The following CACUL1 variants were observed in gnomAD, a reference collection of about 807,000 sequenced individuals.
The protein encoded by CACUL1 is CDK2 associated cullin domain 1.
Under a neutral mutation model 45.2 loss-of-function variants are expected in CACUL1, and 13 were observed. The observed-to-expected ratio is 0.29, with a 90% CI of 0.19 to 0.46. CACUL1 has a LOEUF of 0.46. Ranked by LOEUF, CACUL1 falls within the 20% of genes least tolerant of loss-of-function variation. The probability of loss-of-function intolerance (pLI) is 1.00; values close to 1 mark genes in which losing one functional copy is unlikely to be tolerated. For missense variants in CACUL1, 421 were observed against 471.4 expected (o/e 0.89, Z 0.99); for synonymous variants, 197 against 174.2 (o/e 1.13, Z -1.03).
intron 1 of CACUL1, among the ~76,000 whole-genome samples, chr10:118,750,764 T>C (rs1845890711): frequency 6.6e-6 from 1 of 151,546 alleles, no homozygotes; most frequent in African/African-American, 2.4e-5. Flanking sequence ...CCCATTGCAC[T>C]TGGCACTATT....
chr10:118,720,522 T>G (rs551276317), intron 3 of CACUL1, among the ~76,000 whole-genome samples: 9 of 152,330 alleles, frequency 5.9e-5, no homozygotes, highest in African/African-American at 2.2e-4. Flanking sequence ...TTCATAATTG[T>G]ACTCTGTACA....
chr10:118,735,771 C>CA (rs1458416971), intron 1 of CACUL1, among the ~76,000 whole-genome samples: 2 of 151,874 alleles, frequency 1.3e-5, no homozygotes. Context: ...TTCTTCCCAC[C>CA]AAAAAAGCCA....
chr10:118,680,623 A>C lies in CACUL1; in HGVS notation c.*5505T>G, dbSNP rs1052265896. 2 of 152,252 alleles carry C rather than the reference A, an allele frequency of 1.3e-5. No individual in the cohort carries two copies. Among genetic ancestry groups the C allele is most frequent in the Non-Finnish European group, 2.9e-5 (2 of 68,042 alleles). The allele number at this position is 152,252 out of a possible 1,614,324, so 9.4% of individuals were successfully genotyped here. On this transcript the variant is annotated 3_prime_UTR_variant, in exon 9 of 9. Transcript: ENST00000369151. ...TACCAATAAATGCAAAGAAAAAAAC[A>C]ACCTAAGTCCAAAAGTTGATTAAAG...
At chr10:118,705,176 T>C (rs1845421947) in intron 4 of CACUL1, among the ~76,000 whole-genome samples, 1 of 152,218 alleles carries the variant, frequency 6.6e-6, no homozygotes, top group Non-Finnish European at 1.5e-5. Context: ...CCACATTTCA[T>C]TTCTAAGTAT....
At chr10:118,751,604 T>C (rs1266893558) in intron 1 of CACUL1, among the ~76,000 whole-genome samples, 1 of 152,206 alleles carries the variant, frequency 6.6e-6, no homozygotes, top group African/African-American at 2.4e-5. Flanking sequence ...AACTACAGCC[T>C]TGACATCTTA....
intron 1 of CACUL1, among the ~76,000 whole-genome samples, chr10:118,747,221 A>G (rs1845851287): frequency 6.6e-6 from 1 of 152,238 alleles, no homozygotes; most frequent in Non-Finnish European, 1.5e-5. Flanking sequence ...CTAAACTTTA[A>G]AAGACTGACA....
intron 3 of CACUL1, among the ~76,000 whole-genome samples, chr10:118,720,209 C>A (rs532002971): frequency 7.2e-5 from 11 of 152,282 alleles, no homozygotes; most frequent in African/African-American, 2.6e-4. Flanking sequence ...TTCCTGGGTT[C>A]ATTTAGCTTA....
chr10:118,740,481 A>G (rs558896437), intron 1 of CACUL1, among the ~76,000 whole-genome samples: 247 of 152,038 alleles, frequency 1.6e-3, no homozygotes, highest in African/African-American at 5.5e-3. Context: ...ATGGTGGCAC[A>G]TGACTGTAAT....
Position 118,754,636 on chromosome 10 carries a change from A to AG in CACUL1, c.126dup (p.Ser43LeufsTer43). 1 of 1,606,494 alleles carries AG rather than the reference A, an allele frequency of 6.2e-7. No individual in the cohort carries two copies. ...TCTCGGGCAGGGGCCGGGATCGACG[A>AG]GGGGGGCGGCGGAGGTGGCAGGGGC... is the stretch of plus-strand genomic sequence containing the variant. On this transcript the variant is annotated frameshift_variant, in exon 1 of 9. Coordinates refer to ENST00000369151, the MANE Select transcript of CACUL1 (RefSeq NM_153810.5). LOFTEE classifies it high-confidence loss of function.
chr10:118,691,244 A>C, intron 7 of CACUL1, 21 bp downstream of exon 7: 1 of 1,603,982 alleles, frequency 6.2e-7, no homozygotes, highest in Non-Finnish European at 8.5e-7. Flanking sequence ...TTGACCACTA[A>C]AGGAAAAAAA....
At chr10:118,749,105 A>T (rs1163868578) in intron 1 of CACUL1, among the ~76,000 whole-genome samples, 1 of 152,196 alleles carries the variant, frequency 6.6e-6, no homozygotes, top group Non-Finnish European at 1.5e-5. Context: ...TCACCAACTG[A>T]GAAATATATA....
intron 3 of CACUL1, among the ~76,000 whole-genome samples, chr10:118,710,217 C>T (rs935494460): frequency 6.6e-6 from 1 of 152,034 alleles, no homozygotes; most frequent in African/African-American, 2.4e-5. Context: ...TGAGCCACCA[C>T]ACCCAGCGCA....
intron 1 of CACUL1, among the ~76,000 whole-genome samples, chr10:118,745,919 G>T (rs1009170032): frequency 2.0e-5 from 3 of 150,592 alleles, no homozygotes; most frequent in Non-Finnish European, 4.4e-5. Flanking sequence ...TGGGTGGATC[G>T]CAAGGTCAGG....
Position 118,679,646 on chromosome 10 carries a change from G to A in CACUL1, c.*6482C>T, listed in dbSNP as rs962005633. ...CGATTTTCCTGCCTCAGCCTCCCGA[G>A]TAGCTGGGATTACAGTCGTGTACCC... is the stretch of plus-strand genomic sequence containing the variant. On this transcript the variant is annotated 3_prime_UTR_variant, in exon 9 of 9. Transcript: ENST00000369151. The A allele has an allele frequency of 1.2e-4, 18 of 151,796 alleles. No homozygotes were observed. The highest frequency in any genetic ancestry group is 3.6e-4 in the African/African-American group (15 of 41,230). The allele number at this position is 151,796 out of a possible 1,614,324, so 9.4% of individuals were successfully genotyped here.
At chr10:118,737,978 G>A (rs761863271) in intron 1 of CACUL1, among the ~76,000 whole-genome samples, 23 of 152,212 alleles carry the variant, frequency 1.5e-4, no homozygotes, top group Non-Finnish European at 2.5e-4. Context: ...TTACATAGGT[G>A]TAAACTATGC....
At chr10:118,738,124 C>T (rs1355511457) in intron 1 of CACUL1, among the ~76,000 whole-genome samples, 1 of 152,120 alleles carries the variant, frequency 6.6e-6, no homozygotes, top group Non-Finnish European at 1.5e-5. Context: ...GAGGTGGATA[C>T]CAATGGTGGG....
intron 1 of CACUL1, among the ~76,000 whole-genome samples, chr10:118,750,956 G>A (rs1051004201): frequency 2.0e-5 from 3 of 152,106 alleles, no homozygotes; most frequent in Admixed American, 2.0e-4. Flanking sequence ...ATCACCTCAA[G>A]CATTTATCCT....
chr10:118,710,720 T>C (rs1845476318), intron 3 of CACUL1, among the ~76,000 whole-genome samples: 3 of 152,204 alleles, frequency 2.0e-5, no homozygotes, highest in African/African-American at 4.8e-5. Context: ...CTTATCTGTA[T>C]ATCTCCGGTG....
rs369487189 is a variant in CACUL1 at position 118,684,635 on chromosome 10, G to A, written c.*1493C>T. ...TTACAAATCAAGGACTTCAATTATTGGGTGACTTACTTGCTCCCAATATCC... is the reference window on the plus strand; with the variant it reads ...TTACAAATCAAGGACTTCAATTATTAGGTGACTTACTTGCTCCCAATATCC... On this transcript the variant is annotated 3_prime_UTR_variant, in exon 9 of 9. Coordinates refer to ENST00000369151, the MANE Select transcript of CACUL1 (RefSeq NM_153810.5). 2.0e-5 allele frequency: 3 copies of A among 152,108 alleles called. No individual in the cohort carries two copies. The East Asian group carries it at 5.8e-4, about 29-fold the overall frequency. 9.4% of individuals were successfully genotyped at this position (152,108 alleles called of 1,614,324 possible).
Sources: gnomAD v4.1 joint callset for allele counts (sites outside exome capture counted in the v4.1 genomes callset) on GRCh38, gnomAD v4.1.1 for gene constraint, MANE v1.5 for transcripts, NCBI Gene and HGNC (gene_info 2026-07-23, HGNC 2026-07-21) for gene names.